The following PMEPA1 variants were observed in gnomAD, a reference collection of about 807,000 sequenced individuals.
PMEPA1 encodes protein TMEPAI.
PMEPA1 carries 11 observed loss-of-function variants against 23.0 expected under a neutral mutation model. The observed-to-expected ratio is 0.48, with a 90% confidence interval of 0.30 to 0.79. The LOEUF (loss-of-function observed/expected upper bound fraction) is 0.79, where lower values mean the gene tolerates loss of function less well. PMEPA1 is among the 30% of genes least tolerant of loss of function. The probability of loss-of-function intolerance (pLI) is 0.06; values close to 1 mark genes in which losing one functional copy is unlikely to be tolerated. For synonymous variants in PMEPA1, 204 were observed against 166.4 expected (o/e 1.23, Z -1.74); for missense variants, 377 against 390.9 (o/e 0.96, Z 0.30).
In PMEPA1 at chr20:57,652,531, C is replaced by CGGTGGAA. The variant is rs757586602; in HGVS notation, c.385_386insTTCCACC (p.Arg129LeufsTer69). 4 of 1,561,456 alleles carry CGGTGGAA rather than the reference C, an allele frequency of 2.6e-6. No individual in the cohort carries two copies. In the African/African-American group the frequency reaches 5.4e-5, roughly 21 times the overall value. ...ATAGGTGGGCTGGAAGCGGTGGAAG[C>CGGTGGAA]GCTCCCGCTGGGCGAAGGGCGGCAC... On this transcript the variant is annotated frameshift_variant, in exon 4 of 4. Coordinates refer to ENST00000341744, the MANE Select transcript of PMEPA1 (RefSeq NM_020182.5). LOFTEE classifies it high-confidence loss of function. This position sits in a 1 kb window ranked among gnomAD's most constrained non-coding sequence, Gnocchi z 6.1.
In PMEPA1 at chr20:57,674,642, C is replaced by T. The variant is rs534017891; in HGVS notation, c.110-14945G>A. Among the ~76,000 whole-genome samples the T allele has an allele frequency of 2.0e-5, 3 of 152,342 alleles. No individual in the cohort carries two copies. In the South Asian group the frequency reaches 6.2e-4, roughly 32 times the overall value. ...TGCCCTCTGTCTCCATGCAGGGACGCCCAGGGGGATGTCTTATTTTATTTT... is the reference window on the plus strand; with the variant it reads ...TGCCCTCTGTCTCCATGCAGGGACGTCCAGGGGGATGTCTTATTTTATTTT... On this transcript the variant is annotated intron_variant, in intron 1 of 3. Coordinates refer to ENST00000341744, the MANE Select transcript of PMEPA1 (RefSeq NM_020182.5).
At chr20:57,685,130 G>C (rs2071783590) in intron 1 of PMEPA1, among the ~76,000 whole-genome samples, 1 of 151,716 alleles carries the variant, frequency 6.6e-6, no homozygotes, top group African/African-American at 2.4e-5. Context: ...CCGAGAACGT[G>C]CATCTGCAGA....
intron 1 of PMEPA1, among the ~76,000 whole-genome samples, chr20:57,678,126 C>G (rs951871676): frequency 2.6e-5 from 4 of 152,138 alleles, no homozygotes; most frequent in African/African-American, 9.7e-5. Context: ...CACAAATCTA[C>G]GCATACAATA....
chr20:57,665,026 C>T (rs1177352421), intron 1 of PMEPA1, among the ~76,000 whole-genome samples: 10 of 152,166 alleles, frequency 6.6e-5, no homozygotes, highest in Admixed American at 6.5e-4. Flanking sequence ...GTGGGTCCTA[C>T]CACTGTCCCT....
chr20:57,695,665 G>C (rs1463296427), intron 1 of PMEPA1, among the ~76,000 whole-genome samples: 2 of 152,208 alleles, frequency 1.3e-5, no homozygotes, highest in Admixed American at 6.5e-5. Flanking sequence ...CACTGGGCCT[G>C]GCCTAGCAGT....
At chr20:57,710,384 T>C (rs974880842), upstream of PMEPA1, 6 of 1,493,238 alleles carry the variant, frequency 4.0e-6, no homozygotes, top group Middle Eastern at 1.7e-4. Context: ...GCCTATCTTC[T>C]GAGGAGCACA....
At chr20:57,700,091 T>A (rs1419421204) in intron 1 of PMEPA1, 2 of 471,296 alleles carry the variant, frequency 4.2e-6, no homozygotes, top group Non-Finnish European at 8.8e-6. Context: ...CCAAAGCCAG[T>A]GATGGAACTG....
At chr20:57,699,569 C>T (rs1283620959) in intron 1 of PMEPA1, among the ~76,000 whole-genome samples, 1 of 152,192 alleles carries the variant, frequency 6.6e-6, no homozygotes, top group Non-Finnish European at 1.5e-5. Flanking sequence ...GCCCCACAGG[C>T]CAAGCAAGGC....
chr20:57,660,172 G>A (rs1044707875), intron 1 of PMEPA1, among the ~76,000 whole-genome samples: 1 of 152,088 alleles, frequency 6.6e-6, no homozygotes, highest in African/African-American at 2.4e-5. Flanking sequence ...CAGTTGGGAG[G>A]AGAAGGGGAC....
rs1378333320 is a variant in PMEPA1 at position 57,649,552 on chromosome 20, A to G, written c.*2501T>C. 1 of 152,212 alleles carries G rather than the reference A, an allele frequency of 6.6e-6. No homozygotes were observed. The highest frequency in any genetic ancestry group is 2.4e-5 in the African/African-American group (1 of 41,424). 9.4% of individuals were successfully genotyped at this position (152,212 alleles called of 1,614,324 possible). On this transcript the variant is annotated 3_prime_UTR_variant, in exon 4 of 4. Transcript: ENST00000341744. ...CAAATCCAGACCATACCATGAAGCA[A>G]CGAGACCCAAACAGTTTGGCTCAAG... is the stretch of plus-strand genomic sequence containing the variant.
At chr20:57,697,237 T>C (rs2071953556) in intron 1 of PMEPA1, among the ~76,000 whole-genome samples, 1 of 152,204 alleles carries the variant, frequency 6.6e-6, no homozygotes, top group African/African-American at 2.4e-5. Context: ...CCCATAAGGA[T>C]CATCCACAAC....
chr20:57,655,273 G>C lies in PMEPA1; in HGVS notation c.265-2187C>G, dbSNP rs1405434561. Among the ~76,000 whole-genome samples the C allele has an allele frequency of 6.6e-6, 1 of 152,078 alleles. No individual in the cohort carries two copies. The highest frequency in any genetic ancestry group is 1.9e-4 in the East Asian group (1 of 5,164). The stretch of plus-strand genomic sequence containing the variant: ...GACTGGCCCCTCAAGCCTCTGCCCA[G>C]GTGTGCTAACCCCAGAGCTCTCCGT... On this transcript the variant is annotated intron_variant, in intron 2 of 3. Transcript: ENST00000341744. The surrounding 1 kb of genome is among the most constrained non-coding windows in gnomAD (Gnocchi z 4.2).
chr20:57,657,111 C>A (rs117956198), intron 2 of PMEPA1, among the ~76,000 whole-genome samples: 107 of 152,244 alleles, frequency 7.0e-4, no homozygotes, highest in African/African-American at 2.5e-3. Flanking sequence ...TCCCAGGTGC[C>A]GTCTCCTGCT....
rs144607779 is a variant in PMEPA1, at chr20:57,666,977, G to A, written c.110-7280C>T. ...TTTGTGACACGGGAATGATACACAC[G>A]ATGGCACGTGTGCGATACAGAAATA... On this transcript the variant is annotated intron_variant, in intron 1 of 3. Coordinates refer to ENST00000341744, the MANE Select transcript of PMEPA1 (RefSeq NM_020182.5). Among the ~76,000 whole-genome samples the A allele has an allele frequency of 7.2e-3, 1,097 of 152,324 alleles. 12 individuals carry two copies. Among genetic ancestry groups the A allele is most frequent in the African/African-American group, 0.025 (1,039 of 41,562 alleles).
At chr20:57,707,025 A>G (rs1319736728) in intron 1 of PMEPA1, among the ~76,000 whole-genome samples, 1 of 152,206 alleles carries the variant, frequency 6.6e-6, no homozygotes, top group Non-Finnish European at 1.5e-5. Flanking sequence ...AGTGAGGCCC[A>G]TCATGGCTTA....
rs990708202 is a variant in PMEPA1 at position 57,656,571 on chromosome 20, C to T, written c.264+2972G>A. Among the ~76,000 whole-genome samples the T allele has an allele frequency of 3.9e-5, 6 of 152,170 alleles. No individual in the cohort carries two copies. The highest frequency in any genetic ancestry group is 7.3e-5 in the Non-Finnish European group (5 of 68,032). ...TTCTGCATCATGTCCCGAATACCCTCGGAGCAGCGCCAGGGTGGAAGTGCC... is the reference window on the plus strand; with the variant it reads ...TTCTGCATCATGTCCCGAATACCCTTGGAGCAGCGCCAGGGTGGAAGTGCC... On this transcript the variant is annotated intron_variant, in intron 2 of 3. Transcript: ENST00000341744. This position sits in a 1 kb window ranked among gnomAD's most constrained non-coding sequence, Gnocchi z 4.7.
chr20:57,672,502 C>T (rs557528666), intron 1 of PMEPA1, among the ~76,000 whole-genome samples: 21 of 152,374 alleles, frequency 1.4e-4, no homozygotes, highest in African/African-American at 4.8e-4. Flanking sequence ...CTCATTCAAT[C>T]CCCGGGGCCT....
At position 57,653,123 on chromosome 20, in the gene PMEPA1, G is replaced by T. The variant is rs768004152; in HGVS notation, c.265-37C>A. ...GAAACGTACAAGCAGGGTCAGTGGG[G>T]TGGGCAGGAGGGACAGCAAAGGCTC... On this transcript the variant is annotated intron_variant, in intron 2 of 3. Transcript: ENST00000341744. 2.6e-6 allele frequency: 4 copies of T among 1,531,126 alleles called. No individual in the cohort carries two copies. The East Asian group carries it at 9.6e-5, about 37-fold the overall frequency. 94.8% of individuals were successfully genotyped at this position (1,531,126 alleles called of 1,614,324 possible).
In PMEPA1 at chr20:57,649,773, G is replaced by A. The variant is rs1339201494; in HGVS notation, c.*2280C>T. 1.3e-5 allele frequency: 2 copies of A among 152,612 alleles called. No homozygotes were observed. The highest frequency in any genetic ancestry group is 4.8e-5 in the African/African-American group (2 of 41,432). 9.5% of individuals were successfully genotyped at this position (152,612 alleles called of 1,614,324 possible). A position where few individuals can be genotyped will look rare whatever the true frequency, so the allele number is the denominator to read the frequency against. On this transcript the variant is annotated 3_prime_UTR_variant, in exon 4 of 4. Coordinates refer to ENST00000341744, the MANE Select transcript of PMEPA1 (RefSeq NM_020182.5). ...TGAGGACGCGCGAGGATGATGGGGT[G>A]TCTGAAAAGCAGGAGCCCTTGGTGG...
Sources: gnomAD v4.1 joint callset for allele counts (sites outside exome capture counted in the v4.1 genomes callset) on GRCh38, gnomAD v4.1.1 for gene constraint, Gnocchi (gnomAD v3.1) non-coding constraint, MANE v1.5 for transcripts, NCBI Gene and HGNC (gene_info 2026-07-23, HGNC 2026-07-21) for gene names.